The following CDH13 variants were observed in gnomAD, a reference collection of about 807,000 sequenced individuals.
CDH13 encodes the protein cadherin-13.
A neutral mutation model predicts 63.8 loss-of-function variants in CDH13; 24 were observed. That is an observed-to-expected ratio of 0.38 (90% CI 0.27 to 0.53). CDH13 has a LOEUF of 0.53. CDH13 is among the 20% of genes least tolerant of loss of function. The pLI is 0.85. For synonymous variants in CDH13, 503 were observed against 355.3 expected, an observed-to-expected ratio of 1.42 and a Z score of -4.67; for missense variants, 1,049 against 903.1, an observed-to-expected ratio of 1.16 and a Z score of -2.07.
At chr16:82,735,485 G>C (rs918969716) in intron 1 of CDH13, among the ~76,000 whole-genome samples, 3 of 152,210 alleles carry the variant, frequency 2.0e-5, no homozygotes, top group African/African-American at 7.2e-5. Context: ...TATCGCCTTG[G>C]ATTTGAGATT....
In CDH13 at chr16:83,621,715, A is replaced by G. The variant is rs1371703436; in HGVS notation, c.1101+19121A>G. The stretch of plus-strand genomic sequence containing the variant: ...TTGGCCAGGCTGGTCTGGAGCTCTT[A>G]ACCTGAAGTGATCCACCCGCCTCGG... On this transcript the variant is annotated intron_variant, in intron 8 of 13. Transcript: ENST00000567109. Among the ~76,000 whole-genome samples, 3 of 151,464 alleles carry G rather than the reference A, an allele frequency of 2.0e-5. No individual in the cohort carries two copies. In the East Asian group the frequency reaches 5.8e-4, roughly 30 times the overall value.
rs1915670833 is a variant in CDH13, at chr16:83,783,450, C to T, written c.2112C>T (p.Leu704=). Residue 704 remains leucine (L), a synonymous_variant, in exon 13 of 14, where the codon CTC becomes CTT. Transcript: ENST00000567109. Reference sequence around the variant, plus strand: ...GCTTCAGCCTGCCCTCAGTCCTGCTCCTCAGCCTCTTCAGCTTAGCTTGTA... The same window carrying T: ...GCTTCAGCCTGCCCTCAGTCCTGCTTCTCAGCCTCTTCAGCTTAGCTTGTA... ...ALRFSLPSVL[L]LSLFSLACL is the part of the protein sequence containing the mutation. The T allele has an allele frequency of 6.2e-7, 1 of 1,613,826 alleles. No individual in the cohort carries two copies. The highest frequency in any genetic ancestry group is 8.5e-7 in the Non-Finnish European group (1 of 1,179,822).
chr16:83,341,989 C>CCA (rs756844839), intron 5 of CDH13, among the ~76,000 whole-genome samples: 13,387 of 137,954 alleles, frequency 0.097, 935 homozygotes, highest in African/African-American at 0.21. Context: ...GTGTCCCCTG[C>CCA]CACACACACA....
intron 5 of CDH13, among the ~76,000 whole-genome samples, chr16:83,259,741 G>A (rs542721883): frequency 4.6e-5 from 7 of 152,006 alleles, no homozygotes; most frequent in Non-Finnish European, 7.4e-5. Context: ...GAGGAAACTC[G>A]CTTCAGTTTG....
intron 1 of CDH13, among the ~76,000 whole-genome samples, chr16:82,703,406 C>T (rs1021466937): frequency 1.3e-5 from 2 of 152,070 alleles, no homozygotes; most frequent in Admixed American, 1.3e-4. Context: ...TTCTGGAGAA[C>T]TCGTACCCCC....
chr16:83,736,566 T>G (rs1462384168), intron 10 of CDH13, among the ~76,000 whole-genome samples: 4 of 152,036 alleles, frequency 2.6e-5, no homozygotes, highest in South Asian at 2.1e-4. Flanking sequence ...TAAATGTCTT[T>G]GCAAAGACAC....
chr16:83,211,134 C>T (rs1227091197), intron 4 of CDH13, among the ~76,000 whole-genome samples: 7 of 134,056 alleles, frequency 5.2e-5, no homozygotes, highest in Non-Finnish European at 9.4e-5. Context: ...GGTGACAGAG[C>T]AAGATTCCAT....
intron 1 of CDH13, among the ~76,000 whole-genome samples, chr16:82,852,501 T>A (rs1009323950): frequency 6.6e-6 from 1 of 152,234 alleles, no homozygotes; most frequent in Non-Finnish European, 1.5e-5. Context: ...TCAGGGGCCA[T>A]GTCTAGAAGA....
At chr16:82,647,596 A>G (rs573606009) in intron 1 of CDH13, among the ~76,000 whole-genome samples, 1 of 151,512 alleles carries the variant, frequency 6.6e-6, no homozygotes, top group East Asian at 1.9e-4. Flanking sequence ...CCTGAGGGGC[A>G]TGGGAGCTCC....
rs1436215382 is a variant in CDH13, at chr16:83,486,255, A to G, written c.782-222A>G. On this transcript the variant is annotated intron_variant, in intron 6 of 13. Coordinates refer to ENST00000567109, the MANE Select transcript of CDH13 (RefSeq NM_001257.5). The stretch of plus-strand genomic sequence containing the variant: ...TAAGCAGTCACTCTGCTGAACAGCA[A>G]AGATGTTTTCTTCTTTATTTCAGGT... Among the ~76,000 whole-genome samples, 7 of 152,202 alleles carry G rather than the reference A, an allele frequency of 4.6e-5. No homozygotes were observed. The East Asian group carries it at 5.8e-4, about 13-fold the overall frequency.
chr16:83,655,409 G>A (rs944748257), intron 8 of CDH13: 1 of 152,348 alleles, frequency 6.6e-6, no homozygotes, highest in Non-Finnish European at 1.5e-5. Context: ...CAGCTGTTGA[G>A]TGACAAAGCC....
At chr16:82,823,267 C>T (rs531124577) in intron 1 of CDH13, 1 of 152,264 alleles carries the variant, frequency 6.6e-6, no homozygotes, top group African/African-American at 2.4e-5. Context: ...AGGGGATGGA[C>T]TTTACCTCCT....
chr16:82,673,122 A>G (rs1913489705), intron 1 of CDH13, among the ~76,000 whole-genome samples: 1 of 145,598 alleles, frequency 6.9e-6, no homozygotes, highest in Non-Finnish European at 1.5e-5. Flanking sequence ...GATTATAGGC[A>G]TCAGTCACTG....
In CDH13 at chr16:83,660,325, G is replaced by T. The variant is rs990602693; in HGVS notation, c.1102-10465G>T. 3.9e-5 allele frequency among the ~76,000 whole-genome samples: 6 copies of T among 152,282 alleles called. No homozygotes were observed. The South Asian group carries it at 1.0e-3, about 26-fold the overall frequency. On this transcript the variant is annotated intron_variant, in intron 8 of 13. Coordinates refer to ENST00000567109, the MANE Select transcript of CDH13 (RefSeq NM_001257.5). The stretch of plus-strand genomic sequence containing the variant: ...TAGACGGTTCCATCTGGGGGTGATA[G>T]TAGACAATGATAGATCATCAAGTAT...
chr16:82,844,576 G>C (rs1447172961), intron 1 of CDH13: 2 of 149,342 alleles, frequency 1.3e-5, no homozygotes, highest in African/African-American at 4.9e-5. Flanking sequence ...ACTCCAGCCT[G>C]GGCGACAGTG....
At chr16:82,699,278 A>C (rs559022104) in intron 1 of CDH13, among the ~76,000 whole-genome samples, 1 of 152,274 alleles carries the variant, frequency 6.6e-6, no homozygotes, top group East Asian at 1.9e-4. Context: ...TTGCCCTGCC[A>C]AGGACAGCTG....
Position 83,528,431 on chromosome 16 carries a change from G to A in CDH13, c.960+41776G>A, listed in dbSNP as rs190123146. ...TGCAGTTGGGCGGTCTGGATGGGCT[G>A]GTTACCCTTGTGTGGGGTGTATAGT... is the stretch of plus-strand genomic sequence containing the variant. On this transcript the variant is annotated intron_variant, in intron 7 of 13. Coordinates refer to ENST00000567109, the MANE Select transcript of CDH13 (RefSeq NM_001257.5). Among the ~76,000 whole-genome samples, 780 of 152,208 alleles carry A rather than the reference G, an allele frequency of 5.1e-3. 2 individuals carry two copies. The highest frequency in any genetic ancestry group is 9.3e-3 in the Non-Finnish European group (636 of 68,022).
chr16:83,594,056 T>G (rs1174013380), intron 7 of CDH13, among the ~76,000 whole-genome samples: 1 of 152,176 alleles, frequency 6.6e-6, no homozygotes, highest in African/African-American at 2.4e-5. Context: ...CTACAAGCAA[T>G]GTGTTCAGAA....
At chr16:83,678,120 T>C (rs1464983078) in intron 9 of CDH13, 88 bp from the exon 10 acceptor site, 3 of 1,417,612 alleles carry the variant, frequency 2.1e-6, no homozygotes, top group African/African-American at 1.4e-5. Context: ...GGCCCACTGT[T>C]GCTCGTGGAA....
Sources: allele counts gnomAD v4.1 joint callset (sites outside exome capture counted in the v4.1 genomes callset), GRCh38; gene constraint gnomAD v4.1.1; transcripts MANE v1.5; gene names NCBI Gene and HGNC (gene_info 2026-07-23, HGNC 2026-07-21).